NDUFA10: variants seen among roughly 807,000 people sequenced by gnomAD.
The protein encoded by NDUFA10 is NADH dehydrogenase [ubiquinone] 1 alpha subcomplex subunit 10, mitochondrial.
A neutral mutation model predicts 47.8 loss-of-function variants in NDUFA10; 40 were observed. That is an observed-to-expected ratio of 0.84 (90% CI 0.65 to 1.09). The LOEUF is 1.09. Ranked by LOEUF, NDUFA10 falls within the 50% of genes least tolerant of loss-of-function variation. NDUFA10 has a pLI of 0.00. For synonymous variants in NDUFA10, 183 were observed against 172.2 expected (o/e 1.06, Z -0.49); for missense variants, 413 against 451.1 (o/e 0.92, Z 0.76).
chr2:239,991,784 T>C lies in NDUFA10; in HGVS notation c.891-1602A>G, dbSNP rs919213355. Reference sequence around the variant, plus strand: ...TTCATATTTTAAATGTTAACAAATATCAATGTAGGGAGGTGACATGGTTCT... The same window carrying C: ...TTCATATTTTAAATGTTAACAAATACCAATGTAGGGAGGTGACATGGTTCT... On this transcript the variant is annotated intron_variant, in intron 8 of 9. Coordinates refer to ENST00000252711, the MANE Select transcript of NDUFA10 (RefSeq NM_004544.4). Among the ~76,000 whole-genome samples, 9 of 152,312 alleles carry C rather than the reference T, an allele frequency of 5.9e-5. No homozygotes were observed. The East Asian group carries it at 1.5e-3, about 26-fold the overall frequency.
intron 4 of NDUFA10, among the ~76,000 whole-genome samples, chr2:239,911,761 T>C (rs1693760253): frequency 1.3e-5 from 2 of 149,314 alleles, no homozygotes; most frequent in African/African-American, 5.0e-5. Flanking sequence ...CATCCCCCAG[T>C]CTCTCTCTTG....
chr2:239,981,500 GA>G (rs1272107473), intron 9 of NDUFA10, among the ~76,000 whole-genome samples: 1 of 152,168 alleles, frequency 6.6e-6, no homozygotes, highest in African/African-American at 2.4e-5. Flanking sequence ...CTGGCATAAA[GA>G]AAAATTCAAA....
intron 9 of NDUFA10, among the ~76,000 whole-genome samples, chr2:239,982,773 T>G (rs1273026370): frequency 6.6e-6 from 1 of 152,220 alleles, no homozygotes; most frequent in Non-Finnish European, 1.5e-5. Context: ...TTAGTATTTG[T>G]TTTCAAAAGA....
rs1696043568 is a variant in NDUFA10 at position 239,987,384 on chromosome 2, G to A, written c.999+2690C>T. The stretch of plus-strand genomic sequence containing the variant: ...CCCCATCCCCTGCGTGTCTAGTCCA[G>A]GAGGCCTGGACTGAAGCCTGAGAAC... On this transcript the variant is annotated intron_variant, in intron 9 of 9. Coordinates refer to ENST00000252711, the MANE Select transcript of NDUFA10 (RefSeq NM_004544.4). This position sits in a 1 kb window ranked among gnomAD's most constrained non-coding sequence, Gnocchi z 4.8. Among the ~76,000 whole-genome samples the A allele has an allele frequency of 6.6e-6, 1 of 151,872 alleles. No homozygotes were observed. The highest frequency in any genetic ancestry group is 2.4e-5 in the African/African-American group (1 of 41,318).
intron 7 of NDUFA10, among the ~76,000 whole-genome samples, chr2:240,006,020 C>T (rs1303078333): frequency 6.6e-6 from 1 of 152,134 alleles, no homozygotes; most frequent in Non-Finnish European, 1.5e-5. Flanking sequence ...TCTAGGTGCC[C>T]GGCCTCAAGG....
At position 239,961,027 on chromosome 2, in the gene NDUFA10, C is replaced by T; in HGVS notation, c.*91G>A. ...TGCAATTTTTGCATTATTTACCCTCCCCCGATCTTAAAGCTATATGGCGTC... is the reference window on the plus strand; with the variant it reads ...TGCAATTTTTGCATTATTTACCCTCTCCCGATCTTAAAGCTATATGGCGTC... On this transcript the variant is annotated 3_prime_UTR_variant, in exon 10 of 10. Coordinates refer to ENST00000252711, the MANE Select transcript of NDUFA10 (RefSeq NM_004544.4). 3 of 1,592,336 alleles carry T rather than the reference C, an allele frequency of 1.9e-6. No homozygotes were observed. Among genetic ancestry groups the T allele is most frequent in the East Asian group, 4.6e-5 (2 of 43,356 alleles).
At chr2:240,009,456 G>A (rs142893231) in intron 6 of NDUFA10, among the ~76,000 whole-genome samples, 3 of 152,288 alleles carry the variant, frequency 2.0e-5, no homozygotes, top group East Asian at 1.9e-4. Context: ...AGACATGTAC[G>A]CCTAAGATCT....
chr2:240,025,190 G>A, intron 1 of NDUFA10, 37 bp downstream of exon 1: 6 of 352,894 alleles, frequency 1.7e-5, no homozygotes, highest in Admixed American at 5.3e-5. Context: ...CCGCCACCCT[G>A]CCACCCCGCC....
chr2:240,008,408 C>T (rs1427446740), intron 6 of NDUFA10, among the ~76,000 whole-genome samples: 1 of 152,210 alleles, frequency 6.6e-6, no homozygotes, highest in Non-Finnish European at 1.5e-5. Context: ...AGGAAAAGGC[C>T]ACACTAATTA....
At chr2:239,957,056 GC>G (rs1162441464), downstream of NDUFA10, among the ~76,000 whole-genome samples, 1 of 152,170 alleles carries the variant, frequency 6.6e-6, no homozygotes, top group Non-Finnish European at 1.5e-5. Flanking sequence ...TCTGGGGGGT[GC>G]CCTGCAGCTC....
intron 9 of NDUFA10, among the ~76,000 whole-genome samples, chr2:239,970,150 C>G (rs1430302990): frequency 6.6e-6 from 1 of 151,792 alleles, no homozygotes; most frequent in African/African-American, 2.4e-5. Context: ...TACAAACAAC[C>G]AAAGGGAAAA....
chr2:239,914,854 CACAG>C lies in NDUFA10; in HGVS notation c.295-19544_295-19541del, dbSNP rs1559276401. Among the ~76,000 whole-genome samples the C allele has an allele frequency of 2.0e-5, 3 of 146,504 alleles. 1 individual carries two copies. The highest frequency in any genetic ancestry group is 5.4e-5 in the African/African-American group (2 of 37,102). On this transcript the variant is annotated intron_variant, in intron 4 of 5. Transcript: ENST00000419408. ...ACACACACACAAATATACAGACACACACAGAGAGACATACAGAGATACTCACACA... is the reference window on the plus strand; with the variant it reads ...ACACACACACAAATATACAGACACACAGAGACATACAGAGATACTCACACA...
chr2:239,908,768 G>A (rs1423268377), intron 4 of NDUFA10, among the ~76,000 whole-genome samples: 1 of 152,198 alleles, frequency 6.6e-6, no homozygotes, highest in African/African-American at 2.4e-5. Context: ...TAGAGAAGGG[G>A]CCAGGCCCTC....
chr2:239,947,346 C>T (rs1167011601), intron 4 of NDUFA10, among the ~76,000 whole-genome samples: 1 of 152,222 alleles, frequency 6.6e-6, no homozygotes, highest in Non-Finnish European at 1.5e-5. Flanking sequence ...GACAGAGCTC[C>T]TGAGGCCCAC....
chr2:239,937,177 C>A (rs1382887542), intron 4 of NDUFA10, among the ~76,000 whole-genome samples: 1 of 152,168 alleles, frequency 6.6e-6, no homozygotes, highest in Admixed American at 6.5e-5. Context: ...TGAGCCCATG[C>A]ACTCTACTTT....
At chr2:239,971,906 T>C (rs1695319241) in intron 9 of NDUFA10, among the ~76,000 whole-genome samples, 1 of 152,188 alleles carries the variant, frequency 6.6e-6, no homozygotes. Context: ...TCAATCAGCA[T>C]ATATATAGTA....
At position 240,007,292 on chromosome 2, in the gene NDUFA10, T is replaced by G. The variant is rs753137466; in HGVS notation, c.804+24A>C. Reference sequence around the variant, plus strand: ...CATGAATCAAATGTAGGAATAACTTTCAACTTTTCAACCATTTTCTTACCT... The same window carrying G: ...CATGAATCAAATGTAGGAATAACTTGCAACTTTTCAACCATTTTCTTACCT... On this transcript the variant is annotated intron_variant, in intron 7 of 9. Coordinates refer to ENST00000252711, the MANE Select transcript of NDUFA10 (RefSeq NM_004544.4). The G allele has an allele frequency of 1.9e-6, 3 of 1,538,918 alleles. No homozygotes were observed. The East Asian group carries it at 6.7e-5, about 35-fold the overall frequency.
At position 240,005,296 on chromosome 2, in the gene NDUFA10, C is replaced by T; in HGVS notation, c.805-1G>A. 1 of 1,613,238 alleles carries T rather than the reference C, an allele frequency of 6.2e-7. No individual in the cohort carries two copies. Among genetic ancestry groups the T allele is most frequent in the Non-Finnish European group, 8.5e-7 (1 of 1,179,202 alleles). Reference sequence around the variant, plus strand: ...TCAGGTATTCAATGTCCTCTACCACCTAAGACAGGAAAAATTCCAATTTAA... The same window carrying T: ...TCAGGTATTCAATGTCCTCTACCACTTAAGACAGGAAAAATTCCAATTTAA... On this transcript the variant is annotated splice_acceptor_variant, in intron 7 of 9. Transcript: ENST00000252711. LOFTEE classifies it high-confidence loss of function.
chr2:239,983,742 A>C, intron 9 of NDUFA10: 7 of 1,550,762 alleles, frequency 4.5e-6, no homozygotes, highest in Non-Finnish European at 6.1e-6. Flanking sequence ...GGCAACCCTC[A>C]ACTGAGGGAG....
Sources: allele counts gnomAD v4.1 joint callset (sites outside exome capture counted in the v4.1 genomes callset), GRCh38; gene constraint gnomAD v4.1.1; non-coding constraint Gnocchi (gnomAD v3.1); transcripts MANE v1.5; gene names NCBI Gene and HGNC (gene_info 2026-07-23, HGNC 2026-07-21).